COTL1: variants seen among roughly 807,000 people sequenced by gnomAD.
COTL1 encodes coactosin-like protein.
In COTL1, 15 loss-of-function variants were observed where a neutral mutation model predicts 16.5. The observed-to-expected ratio is 0.91, with a 90% CI of 0.61 to 1.40. The LOEUF (loss-of-function observed/expected upper bound fraction) is 1.40, where lower values mean the gene tolerates loss of function less well. COTL1 is among the 40% of genes most tolerant of loss of function. The pLI is 0.00. For missense variants in COTL1, 220 were observed against 201.5 expected (o/e 1.09, Z -0.56); for synonymous variants, 112 against 85.3 (o/e 1.31, Z -1.73).
At chr16:84,604,810 T>C (rs1905179729) in intron 2 of COTL1, among the ~76,000 whole-genome samples, 2 of 152,248 alleles carry the variant, frequency 1.3e-5, no homozygotes, top group South Asian at 4.1e-4. Flanking sequence ...CAGCTCCAGC[T>C]GACCCCTGGC....
chr16:84,588,374 T>C (rs574664321), intron 3 of COTL1, among the ~76,000 whole-genome samples: 3 of 152,316 alleles, frequency 2.0e-5, no homozygotes, highest in African/African-American at 7.2e-5. Flanking sequence ...TGTGGTACAT[T>C]TGTCACAGTG....
At chr16:84,586,962 A>T (rs1455440991) in intron 3 of COTL1, among the ~76,000 whole-genome samples, 5 of 152,190 alleles carry the variant, frequency 3.3e-5, no homozygotes, top group Non-Finnish European at 5.9e-5. Flanking sequence ...TGCCCCGTGT[A>T]CACATCCTGG....
At chr16:84,576,518 A>G (rs985656135) in intron 3 of COTL1, 3 of 152,258 alleles carry the variant, frequency 2.0e-5, no homozygotes, top group African/African-American at 7.2e-5. Context: ...AAATTCTGGT[A>G]CTTACTGGTC....
chr16:84,572,035 A>G (rs983194438), intron 3 of COTL1, among the ~76,000 whole-genome samples: 2 of 152,252 alleles, frequency 1.3e-5, no homozygotes, highest in South Asian at 2.1e-4. Flanking sequence ...GCCTCAGCCT[A>G]AAAACCAACT....
At chr16:84,585,373 G>A (rs1003883294) in intron 3 of COTL1, among the ~76,000 whole-genome samples, 3 of 140,844 alleles carry the variant, frequency 2.1e-5, no homozygotes, top group Admixed American at 1.4e-4. Flanking sequence ...AAAAAAAATC[G>A]CCCCCCTGGA....
rs199953375 is a variant in COTL1, at chr16:84,613,009, T to TC, written c.160+4491_160+4492insG. ...CTCTTTCTTTCTTTCTTTCTTTCTT[T>TC]TTTTTTTTTGAGATAGAGTCTCACT... On this transcript the variant is annotated intron_variant, in intron 2 of 3. Transcript: ENST00000262428. Among the ~76,000 whole-genome samples, 1,492 of 150,736 alleles carry TC rather than the reference T, an allele frequency of 9.9e-3. 46 individuals carry two copies. Among genetic ancestry groups the TC allele is most frequent in the East Asian group, 0.095 (489 of 5,122 alleles).
intron 2 of COTL1, among the ~76,000 whole-genome samples, chr16:84,605,529 C>A (rs1412621812): frequency 6.6e-6 from 1 of 152,194 alleles, no homozygotes; most frequent in Non-Finnish European, 1.5e-5. Context: ...CCTGGGTTAT[C>A]TGGGTGACAC....
chr16:84,593,661 G>C (rs539408666), intron 2 of COTL1, among the ~76,000 whole-genome samples: 1 of 151,972 alleles, frequency 6.6e-6, no homozygotes, highest in Non-Finnish European at 1.5e-5. Flanking sequence ...ACAGGCGCCC[G>C]CCACCACGCC....
At chr16:84,614,059 G>A (rs1306979299) in intron 2 of COTL1, among the ~76,000 whole-genome samples, 1 of 152,244 alleles carries the variant, frequency 6.6e-6, no homozygotes, top group Non-Finnish European at 1.5e-5. Context: ...GAGCTAGGAG[G>A]AGGAGGAGAG....
In COTL1 at chr16:84,565,601, TG is replaced by T. The variant is rs1288852365; in HGVS notation, c.*1243del. ...ACAAATCAGAAACCAAACTGTTTTC[TG>T]AAAAACAAAAAAAACATTTATTTCT... is the stretch of plus-strand genomic sequence containing the variant. On this transcript the variant is annotated 3_prime_UTR_variant, in exon 4 of 4. Coordinates refer to ENST00000262428, the MANE Select transcript of COTL1 (RefSeq NM_021149.5). 6.6e-6 allele frequency: 1 copy of T among 151,888 alleles called. No homozygotes were observed. Among genetic ancestry groups the T allele is most frequent in the African/African-American group, 2.4e-5 (1 of 41,290 alleles). The allele number at this position is 151,888 out of a possible 1,614,324, so 9.4% of individuals were successfully genotyped here.
intron 2 of COTL1, among the ~76,000 whole-genome samples, chr16:84,591,635 A>T (rs1365061173): frequency 9.2e-4 from 1 of 1,086 alleles, no homozygotes; most frequent in Admixed American, 0.031. Flanking sequence ...TCACCTCTCT[A>T]AAAAAAAAAA....
intron 2 of COTL1, among the ~76,000 whole-genome samples, chr16:84,602,346 G>A (rs774407060): frequency 6.7e-6 from 1 of 150,192 alleles, no homozygotes; most frequent in Non-Finnish European, 1.5e-5. Context: ...AACTATGATC[G>A]CACCACTGCA....
rs1904523225 is a variant in COTL1 at position 84,579,264 on chromosome 16, A to C, written c.318+10841T>G. Among the ~76,000 whole-genome samples the C allele has an allele frequency of 1.3e-5, 2 of 152,256 alleles. 1 individual carries two copies. The highest frequency in any genetic ancestry group is 4.1e-4 in the South Asian group (2 of 4,836). ...GTAATCCCAGCACTTTGGGAGGCCC[A>C]GGCAGGTGGATCACCTGAGGTCAGG... is the stretch of plus-strand genomic sequence containing the variant. On this transcript the variant is annotated intron_variant, in intron 3 of 3. Transcript: ENST00000262428.
Position 84,617,589 on chromosome 16 carries a change from G to C in COTL1, c.78-6C>G. Reference sequence around the variant, plus strand: ...CGTCATATTTAAAAGTCACCCTTTGGGTTGGGAGAAGAAAAAAACACACAC... The same window carrying C: ...CGTCATATTTAAAAGTCACCCTTTGCGTTGGGAGAAGAAAAAAACACACAC... On this transcript the variant is annotated splice_region_variant and splice_polypyrimidine_tract_variant and intron_variant, in intron 1 of 3. Coordinates refer to ENST00000262428, the MANE Select transcript of COTL1 (RefSeq NM_021149.5). 2 of 1,553,472 alleles carry C rather than the reference G, an allele frequency of 1.3e-6. No homozygotes were observed. Among genetic ancestry groups the C allele is most frequent in the East Asian group, 2.4e-5 (1 of 41,212 alleles).
At chr16:84,595,631 A>C (rs1481744500) in intron 2 of COTL1, 1 of 152,178 alleles carries the variant, frequency 6.6e-6, no homozygotes, top group African/African-American at 2.4e-5. Context: ...TCCCTCGTCT[A>C]TGTCGGGCTA....
chr16:84,615,914 T>C (rs555580421), intron 2 of COTL1: 4 of 151,738 alleles, frequency 2.6e-5, no homozygotes, highest in South Asian at 4.2e-4. Flanking sequence ...CATCCTCTAG[T>C]AGTCACACCA....
chr16:84,593,930 C>T (rs1249684073), intron 2 of COTL1, among the ~76,000 whole-genome samples: 1 of 152,204 alleles, frequency 6.6e-6, no homozygotes, highest in African/African-American at 2.4e-5. Context: ...TCCCCATTCT[C>T]CACCCCATTC....
At chr16:84,599,263 G>A (rs1204756881) in intron 2 of COTL1, among the ~76,000 whole-genome samples, 1 of 152,250 alleles carries the variant, frequency 6.6e-6, no homozygotes, top group Non-Finnish European at 1.5e-5. Flanking sequence ...GCCAAAGCCA[G>A]TCCTGGCTGG....
chr16:84,573,245 T>G (rs1904371393), intron 3 of COTL1, among the ~76,000 whole-genome samples: 2 of 152,276 alleles, frequency 1.3e-5, no homozygotes, highest in South Asian at 4.1e-4. Context: ...AAACGCTGTG[T>G]GCCCTCCGGG....
Sources: allele counts gnomAD v4.1 joint callset (sites outside exome capture counted in the v4.1 genomes callset), GRCh38; gene constraint gnomAD v4.1.1; transcripts MANE v1.5; gene names NCBI Gene and HGNC (gene_info 2026-07-23, HGNC 2026-07-21).